SPATA17: variants seen among roughly 807,000 people sequenced by gnomAD.
SPATA17 encodes spermatogenesis associated 17.
In SPATA17, 53 loss-of-function variants were observed where a neutral mutation model predicts 62.2. The ratio of observed to expected loss-of-function variants is 0.85; its 90% CI spans 0.68 to 1.07. The LOEUF (loss-of-function observed/expected upper bound fraction) is 1.07, where lower values mean the gene tolerates loss of function less well. Among genes scored for constraint, SPATA17 ranks in the 50% least tolerant of loss-of-function variants. SPATA17 has a pLI of 0.00. For missense variants in SPATA17, 466 were observed against 425.5 expected, an observed-to-expected ratio of 1.10 and a Z score of -0.84; for synonymous variants, 146 against 146.8, an observed-to-expected ratio of 0.99 and a Z score of 0.04.
chr1:217,848,049 A>G (rs981376917), intron 9 of SPATA17, among the ~76,000 whole-genome samples: 2 of 152,150 alleles, frequency 1.3e-5, no homozygotes, highest in African/African-American at 4.8e-5. Context: ...AAAAAAGGAC[A>G]TAAATTACCA....
chr1:217,633,953 A>G (rs1018332524), intron 1 of SPATA17, among the ~76,000 whole-genome samples: 3 of 152,198 alleles, frequency 2.0e-5, no homozygotes, highest in African/African-American at 4.8e-5. Context: ...AGGATCTGGA[A>G]CTCCAAGAAG....
intron 6 of SPATA17, among the ~76,000 whole-genome samples, chr1:217,752,968 A>G (rs1274133090): frequency 6.6e-6 from 1 of 152,212 alleles, no homozygotes; most frequent in Non-Finnish European, 1.5e-5. Context: ...ACATAAATAT[A>G]TTAACTAAAC....
chr1:217,730,817 G>A (rs1000146319), intron 5 of SPATA17, among the ~76,000 whole-genome samples: 1 of 152,106 alleles, frequency 6.6e-6, no homozygotes, highest in African/African-American at 2.4e-5. Context: ...TAGGGATTGA[G>A]AATGCTATTT....
At chr1:217,739,670 G>A (rs1466264414) in intron 5 of SPATA17, 1 of 151,850 alleles carries the variant, frequency 6.6e-6, no homozygotes, top group African/African-American at 2.4e-5. Context: ...AATTTTTATT[G>A]CATCCTGCAC....
intron 9 of SPATA17, among the ~76,000 whole-genome samples, chr1:217,817,506 T>C (rs1258425551): frequency 6.6e-6 from 1 of 152,080 alleles, no homozygotes; most frequent in Non-Finnish European, 1.5e-5. Context: ...TCTGAGTCAA[T>C]TAAACCTCTT....
At chr1:217,756,123 A>C (rs1163386778) in intron 6 of SPATA17, among the ~76,000 whole-genome samples, 2 of 152,196 alleles carry the variant, frequency 1.3e-5, no homozygotes, top group Admixed American at 1.3e-4. Flanking sequence ...TTAACTAATA[A>C]ATGAATGTTT....
intron 3 of SPATA17, among the ~76,000 whole-genome samples, chr1:217,653,679 T>C (rs1013313779): frequency 6.8e-6 from 1 of 146,176 alleles, no homozygotes; most frequent in South Asian, 2.1e-4. Context: ...AGAAGTCAGA[T>C]AGAAGGAAGT....
At chr1:217,846,680 T>A (rs1403326991) in intron 9 of SPATA17, among the ~76,000 whole-genome samples, 1 of 152,094 alleles carries the variant, frequency 6.6e-6, no homozygotes, top group Non-Finnish European at 1.5e-5. Flanking sequence ...CAGAACGTCA[T>A]GTTATATATA....
chr1:217,861,044 A>G (rs1675888093), intron 9 of SPATA17, among the ~76,000 whole-genome samples: 1 of 152,102 alleles, frequency 6.6e-6, no homozygotes, highest in South Asian at 2.1e-4. Context: ...TCCACTTTCA[A>G]ATAACACTAT....
At chr1:217,746,659 G>A (rs1672760108) in intron 6 of SPATA17, among the ~76,000 whole-genome samples, 1 of 151,716 alleles carries the variant, frequency 6.6e-6, no homozygotes, top group Admixed American at 6.6e-5. Flanking sequence ...CCTATTTTTA[G>A]TACAAATCCA....
At chr1:217,635,551 A>C (rs1184041997) in intron 1 of SPATA17, among the ~76,000 whole-genome samples, 1 of 151,996 alleles carries the variant, frequency 6.6e-6, no homozygotes, top group Non-Finnish European at 1.5e-5. Flanking sequence ...TAAAAATACA[A>C]AAATTAGCCA....
At chr1:217,801,900 A>C (rs1322837025) in intron 9 of SPATA17, 50 bp downstream of exon 9, 3 of 1,496,474 alleles carry the variant, frequency 2.0e-6, no homozygotes, top group East Asian at 2.4e-5. Flanking sequence ...AAAGCTAGAA[A>C]TATACATTAA....
intron 9 of SPATA17, among the ~76,000 whole-genome samples, chr1:217,812,283 A>C (rs979380458): frequency 2.0e-5 from 3 of 152,126 alleles, no homozygotes; most frequent in African/African-American, 4.8e-5. Flanking sequence ...ATTCATATTA[A>C]ATCAATTTAA....
intron 8 of SPATA17, among the ~76,000 whole-genome samples, chr1:217,792,721 C>T (rs1354199852): frequency 2.0e-5 from 3 of 152,080 alleles, no homozygotes; most frequent in Non-Finnish European, 4.4e-5. Context: ...GGTCTATTAA[C>T]GTACTAATAG....
At chr1:217,679,873 G>A (rs1457184642) in intron 4 of SPATA17, among the ~76,000 whole-genome samples, 6 of 151,992 alleles carry the variant, frequency 3.9e-5, no homozygotes, top group Non-Finnish European at 8.8e-5. Flanking sequence ...GCCAATTTCA[G>A]TTTTTTTCTT....
chr1:217,701,641 C>T, intron 5 of SPATA17, among the ~76,000 whole-genome samples: 1 of 152,086 alleles, frequency 6.6e-6, no homozygotes, highest in Admixed American at 6.6e-5. Context: ...CCTGCCTCGG[C>T]CTCCCAAAGT....
At chr1:217,850,992 G>A (rs1326541743) in intron 9 of SPATA17, among the ~76,000 whole-genome samples, 1 of 152,142 alleles carries the variant, frequency 6.6e-6, no homozygotes, top group African/African-American at 2.4e-5. Context: ...ATTTCCTGGA[G>A]GAAGTAGCAT....
intron 5 of SPATA17, among the ~76,000 whole-genome samples, chr1:217,711,463 G>A (rs1034840639): frequency 6.6e-6 from 1 of 152,096 alleles, no homozygotes; most frequent in Admixed American, 6.6e-5. Flanking sequence ...CATTGGCTTT[G>A]GATTCAGATA....
chr1:217,813,120 A>T (rs1167399949), intron 9 of SPATA17, among the ~76,000 whole-genome samples: 1 of 152,214 alleles, frequency 6.6e-6, no homozygotes, highest in Non-Finnish European at 1.5e-5. Flanking sequence ...CAGAACATAA[A>T]GTTGACCTTT....
Sources: allele counts gnomAD v4.1 joint callset (sites outside exome capture counted in the v4.1 genomes callset), GRCh38; gene constraint gnomAD v4.1.1; transcripts MANE v1.5; gene names NCBI Gene and HGNC (gene_info 2026-07-23, HGNC 2026-07-21).